CDC7: variants seen among roughly 807,000 people sequenced by gnomAD.
The protein encoded by CDC7 is cell division cycle 7-related protein kinase.
Under a neutral mutation model 53.5 loss-of-function variants are expected in CDC7, and 34 were observed. The observed-to-expected ratio is 0.64, with a 90% confidence interval of 0.48 to 0.85. The LOEUF is 0.85. Ranked by LOEUF, CDC7 falls within the 40% of genes least tolerant of loss-of-function variation. The probability of loss-of-function intolerance (pLI) is 0.00; values close to 1 mark genes in which losing one functional copy is unlikely to be tolerated. For synonymous variants in CDC7, 211 were observed against 222.8 expected (o/e 0.95, Z 0.47); for missense variants, 594 against 679.7 (o/e 0.87, Z 1.40).
At position 91,520,379 on chromosome 1, in the gene CDC7, TCA is replaced by T. The variant is rs1219388100; in HGVS notation, c.1330+101_1330+102del. ...TGAAATTTTCTTTACAAATAAACAT[TCA>T]GTCTTGATAAAGTTCTCTAATATTA... On this transcript the variant is annotated intron_variant, in intron 11 of 11. Coordinates refer to ENST00000234626, the MANE Select transcript of CDC7 (RefSeq NM_003503.4). 6 of 1,007,268 alleles carry T rather than the reference TCA, an allele frequency of 6.0e-6. No homozygotes were observed. In the South Asian group the frequency reaches 1.1e-4, roughly 18 times the overall value. 62.4% of individuals were successfully genotyped at this position (1,007,268 alleles called of 1,614,324 possible). A position where few individuals can be genotyped will look rare whatever the true frequency, so the allele number is the denominator to read the frequency against.
intron 11 of CDC7, among the ~76,000 whole-genome samples, chr1:91,521,688 A>G (rs1027792350): frequency 6.4e-4 from 97 of 152,090 alleles, no homozygotes; most frequent in African/African-American, 2.1e-3. Flanking sequence ...GTTTATGAAC[A>G]TGAAGTTTAT....
chr1:91,507,635 T>C (rs1454035338), intron 2 of CDC7, among the ~76,000 whole-genome samples: 4 of 152,134 alleles, frequency 2.6e-5, no homozygotes, highest in Non-Finnish European at 5.9e-5. Flanking sequence ...AGTAGAAATT[T>C]GGTGTATTTA....
rs755240536 is a variant in CDC7, at chr1:91,501,667, C to T, written c.-50C>T. ...TAATTTTCACAGCTGCTTTGCTCCC[C>T]CTGTGGATGTAACCCCTTAGCTGGC... On this transcript the variant is annotated 5_prime_UTR_variant, in exon 2 of 12. Transcript: ENST00000234626. 1 of 1,303,208 alleles carries T rather than the reference C, an allele frequency of 7.7e-7. No individual in the cohort carries two copies. The highest frequency in any genetic ancestry group is 1.1e-6 in the Non-Finnish European group (1 of 901,398). 80.7% of individuals were successfully genotyped at this position (1,303,208 alleles called of 1,614,324 possible).
chr1:91,516,082 G>A (rs552223382), intron 10 of CDC7, among the ~76,000 whole-genome samples: 4 of 151,084 alleles, frequency 2.6e-5, no homozygotes, highest in Non-Finnish European at 5.9e-5. Context: ...CTCTTTTTTT[G>A]TTTAAACAGT....
intron 7 of CDC7, 110 bp downstream of exon 7, chr1:91,513,417 T>C (rs1667393991): frequency 4.4e-6 from 4 of 903,426 alleles, no homozygotes; most frequent in Non-Finnish European, 3.3e-6. Flanking sequence ...AAAAAACTTT[T>C]TTTTGCATTT....
At chr1:91,506,382 CG>C (rs1469724855) in intron 2 of CDC7, among the ~76,000 whole-genome samples, 1 of 151,766 alleles carries the variant, frequency 6.6e-6, no homozygotes, top group Non-Finnish European at 1.5e-5. Flanking sequence ...TCTTTACAGA[CG>C]TAGTTAATTT....
intron 2 of CDC7, among the ~76,000 whole-genome samples, chr1:91,504,468 G>GATCT (rs1216036909): frequency 6.6e-6 from 1 of 151,976 alleles, no homozygotes; most frequent in East Asian, 1.9e-4. Context: ...AAGTGAGAAA[G>GATCT]ATCTGTTCAG....
In CDC7 at chr1:91,504,189, C is replaced by A. The variant is rs1259709651; in HGVS notation, c.115+2358C>A. ...TGGTGCAATTACAGCTCACTGCAGC[C>A]TTAACTCCTGCACTCAAGCAATCCT... On this transcript the variant is annotated intron_variant, in intron 2 of 11. Transcript: ENST00000234626. Among the ~76,000 whole-genome samples, 4 of 151,742 alleles carry A rather than the reference C, an allele frequency of 2.6e-5. No individual in the cohort carries two copies. The East Asian group carries it at 7.8e-4, about 29-fold the overall frequency.
chr1:91,510,553 C>T (rs936403880), intron 4 of CDC7, among the ~76,000 whole-genome samples: 4 of 152,148 alleles, frequency 2.6e-5, no homozygotes, highest in African/African-American at 9.7e-5. Flanking sequence ...ATGAGATGGC[C>T]TCTATAAAGA....
chr1:91,511,518 T>C (rs1055703230), intron 4 of CDC7, 79 bp from the exon 5 acceptor site: 3 of 796,016 alleles, frequency 3.8e-6, no homozygotes. Context: ...TTGCTAAAAT[T>C]GCGGTTTTTA....
chr1:91,507,777 T>C (rs1667069488), intron 2 of CDC7, 77 bp from the exon 3 acceptor site: 2 of 957,950 alleles, frequency 2.1e-6, no homozygotes, highest in South Asian at 3.2e-5. Context: ...ATTTATTTCA[T>C]TGAGCTTTTT....
chr1:91,516,051 T>C (rs1036084577), intron 10 of CDC7, among the ~76,000 whole-genome samples, 175 bp downstream of exon 10: 4 of 152,172 alleles, frequency 2.6e-5, no homozygotes, highest in African/African-American at 9.7e-5. Flanking sequence ...TTTATGAAAG[T>C]TTTTAATCCT....
rs1668221378 is a variant in CDC7 at position 91,525,502 on chromosome 1, C to G, written c.*1067C>G. On this transcript the variant is annotated 3_prime_UTR_variant, in exon 12 of 12. Transcript: ENST00000234626. Reference sequence around the variant, plus strand: ...ATGGTATATATCAATGACAGCATATCAAACTTCCTATGGGAAAAAGTCTGG... The same window carrying G: ...ATGGTATATATCAATGACAGCATATGAAACTTCCTATGGGAAAAAGTCTGG... 6.6e-6 allele frequency: 1 copy of G among 152,098 alleles called. No individual in the cohort carries two copies. The highest frequency in any genetic ancestry group is 2.4e-5 in the African/African-American group (1 of 41,440). 9.4% of individuals were successfully genotyped at this position (152,098 alleles called of 1,614,324 possible). A position where few individuals can be genotyped will look rare whatever the true frequency, so the allele number is the denominator to read the frequency against.
intron 10 of CDC7, 96 bp downstream of exon 10, chr1:91,515,972 TTC>T: frequency 1.0e-6 from 1 of 996,686 alleles, no homozygotes. Context: ...AATATTTGAG[TTC>T]TTCTGCTTTT....
chr1:91,515,375 G>A (rs565236404), intron 9 of CDC7, among the ~76,000 whole-genome samples: 1 of 152,166 alleles, frequency 6.6e-6, no homozygotes, highest in South Asian at 2.1e-4. Flanking sequence ...CCAACTCTTT[G>A]ACTCATAAAT....
At chr1:91,517,328 G>C (rs1353822763) in intron 10 of CDC7, among the ~76,000 whole-genome samples, 2 of 152,092 alleles carry the variant, frequency 1.3e-5, no homozygotes, top group African/African-American at 2.4e-5. Context: ...GAGGGTATTG[G>C]TAATAGGAAT....
intron 10 of CDC7, among the ~76,000 whole-genome samples, chr1:91,519,502 C>T (rs1667799354): frequency 6.6e-6 from 1 of 151,978 alleles, no homozygotes; most frequent in Non-Finnish European, 1.5e-5. Context: ...GAATGGATAC[C>T]CTGTTTTCCA....
chr1:91,520,401 AT>A (rs1351227030), intron 11 of CDC7, 122 bp downstream of exon 11: 1 of 761,674 alleles, frequency 1.3e-6, no homozygotes, highest in Non-Finnish European at 2.0e-6. Flanking sequence ...AAGTTCTCTA[AT>A]ATTAAGTAGA....
At chr1:91,504,145 CACT>C (rs1239716438) in intron 2 of CDC7, among the ~76,000 whole-genome samples, 1 of 150,860 alleles carries the variant, frequency 6.6e-6, no homozygotes, top group African/African-American at 2.4e-5. Context: ...TCTGTCACAC[CACT>C]GTCACTGGAG....
Sources: allele counts gnomAD v4.1 joint callset (sites outside exome capture counted in the v4.1 genomes callset), GRCh38; gene constraint gnomAD v4.1.1; transcripts MANE v1.5; gene names NCBI Gene and HGNC (gene_info 2026-07-23, HGNC 2026-07-21).